TSHZ3: variants seen among roughly 807,000 people sequenced by gnomAD.
TSHZ3 encodes teashirt zinc finger homeobox 3.
A neutral mutation model predicts 64.5 loss-of-function variants in TSHZ3; 10 were observed. The ratio of observed to expected loss-of-function variants is 0.16; its 90% CI spans 0.10 to 0.26. The LOEUF (loss-of-function observed/expected upper bound fraction) is 0.26. TSHZ3 is among the 10% of genes least tolerant of loss of function. The pLI is 1.00. For missense variants in TSHZ3, 1,242 were observed against 1,421.7 expected (o/e 0.87, Z 2.03); for synonymous variants, 608 against 593.1 (o/e 1.03, Z -0.36).
At chr19:31,213,649 G>C (rs1008070966) in intron 4 of TSHZ3, among the ~76,000 whole-genome samples, 9 of 152,154 alleles carry the variant, frequency 5.9e-5, no homozygotes, top group Non-Finnish European at 4.4e-5. Context: ...CGGGGTGATT[G>C]CATGTATGTG....
At chr19:31,220,431 C>T (rs904830682) in intron 4 of TSHZ3, among the ~76,000 whole-genome samples, 15 of 152,164 alleles carry the variant, frequency 9.9e-5, no homozygotes, top group Admixed American at 9.2e-4. Flanking sequence ...ACTGAGGTCT[C>T]TCACTGCCCC....
At chr19:31,241,417 CTAATAA>C (rs1470240317) in intron 3 of TSHZ3, among the ~76,000 whole-genome samples, 1 of 152,156 alleles carries the variant, frequency 6.6e-6, no homozygotes, top group Non-Finnish European at 1.5e-5. Flanking sequence ...TCTCTTCACT[CTAATAA>C]GGTTGAGAAT....
At chr19:31,339,850 G>A (rs1055347448) in intron 1 of TSHZ3, among the ~76,000 whole-genome samples, 4 of 150,818 alleles carry the variant, frequency 2.7e-5, no homozygotes, top group Admixed American at 1.3e-4. Context: ...GGCCACGCAC[G>A]TGTCGAAGTC....
At chr19:31,312,006 G>T (rs1172368800) in intron 1 of TSHZ3, among the ~76,000 whole-genome samples, 1 of 152,188 alleles carries the variant, frequency 6.6e-6, no homozygotes, top group Non-Finnish European at 1.5e-5. Flanking sequence ...TTACAGGTGT[G>T]AGCCACTGCA....
rs758585467 is a variant in TSHZ3 at position 31,279,319 on chromosome 19, GCTGCTGCTGCTA to G, written c.462_473del (p.Ser156_Ser159del). 3 of 1,613,744 alleles carry G rather than the reference GCTGCTGCTGCTA, an allele frequency of 1.9e-6. No individual in the cohort carries two copies. The highest frequency in any genetic ancestry group is 2.5e-6 in the Non-Finnish European group (3 of 1,179,840). ...AGTCGAAGCTCCCGCTGCCACAGCT[GCTGCTGCTGCTA>G]CTGCTGCTGCTGCTGCTGCCGTTGT... On this transcript the variant is annotated inframe_deletion, in exon 2 of 2. Coordinates refer to ENST00000240587, the MANE Select transcript of TSHZ3 (RefSeq NM_020856.4). The surrounding 1 kb of genome is among the most constrained non-coding windows in gnomAD (Gnocchi z 6.4).
At position 31,312,917 on chromosome 19, in the gene TSHZ3, C is replaced by T. The variant is rs146319470; in HGVS notation, c.41-33165G>A. On this transcript the variant is annotated intron_variant, in intron 1 of 1. Transcript: ENST00000240587. ...GATTTAATGACATTGTTTGATTTCA[C>T]GGCGTTTATTTTTATGGTTATTTTC... Among the ~76,000 whole-genome samples the T allele has an allele frequency of 3.0e-3, 454 of 152,272 alleles. 3 individuals are homozygous for T. Among genetic ancestry groups the T allele is most frequent in the African/African-American group, 0.01 (428 of 41,548 alleles).
intron 5 of TSHZ3, among the ~76,000 whole-genome samples, chr19:31,193,215 G>A (rs368011362): frequency 1.3e-5 from 2 of 151,912 alleles, no homozygotes; most frequent in South Asian, 4.2e-4. Flanking sequence ...TACATATGAC[G>A]CGACATATCT....
At chr19:31,253,973 G>A (rs954905578) in intron 1 of TSHZ3, among the ~76,000 whole-genome samples, 1 of 152,202 alleles carries the variant, frequency 6.6e-6, no homozygotes, top group Non-Finnish European at 1.5e-5. Context: ...ACAGCTGGGT[G>A]TGACTAAGGC....
chr19:31,283,262 G>A (rs889220416), intron 1 of TSHZ3, among the ~76,000 whole-genome samples: 3 of 152,150 alleles, frequency 2.0e-5, no homozygotes, highest in Non-Finnish European at 2.9e-5. Flanking sequence ...TGAACCCGGA[G>A]GTGGAGGGTG....
At chr19:31,157,754 G>C (rs938883053) in intron 5 of TSHZ3, among the ~76,000 whole-genome samples, 1 of 152,180 alleles carries the variant, frequency 6.6e-6, no homozygotes, top group Non-Finnish European at 1.5e-5. Context: ...GAATGGACTG[G>C]GGCTGAAGGG....
At chr19:31,239,563 T>C (rs1413023888) in intron 3 of TSHZ3, among the ~76,000 whole-genome samples, 1 of 151,504 alleles carries the variant, frequency 6.6e-6, no homozygotes, top group Non-Finnish European at 1.5e-5. Flanking sequence ...ATTGACAGGA[T>C]TTTTTTTTCA....
intron 1 of TSHZ3, among the ~76,000 whole-genome samples, chr19:31,346,848 T>C (rs1414154729): frequency 6.6e-6 from 1 of 151,852 alleles, no homozygotes; most frequent in Non-Finnish European, 1.5e-5. Flanking sequence ...GTGGAGTTTT[T>C]TTTTTTTCTC....
chr19:31,204,308 C>T lies in TSHZ3; in HGVS notation n.809+648G>A, dbSNP rs187382585. Among the ~76,000 whole-genome samples, 105 of 150,324 alleles carry T rather than the reference C, an allele frequency of 7.0e-4. 1 individual carries two copies. The highest frequency in any genetic ancestry group is 2.4e-3 in the African/African-American group (96 of 40,802). Reference sequence around the variant, plus strand: ...CCTTCCTTTTTTCTTTCCTCCCTTCCTCCCTCTCTCCTTTTCTTTCTTTCC... The same window carrying T: ...CCTTCCTTTTTTCTTTCCTCCCTTCTTCCCTCTCTCCTTTTCTTTCTTTCC... On this transcript the variant is annotated intron_variant and non_coding_transcript_variant, in intron 5 of 6. Coordinates refer to the TSHZ3 transcript ENST00000651361.
chr19:31,278,036 G>T lies in TSHZ3; in HGVS notation c.1757C>A (p.Thr586Lys), dbSNP rs144055691. Residue 586 changes from threonine to lysine, a missense_variant, in exon 2 of 2, where the codon ACG becomes AAG. By Grantham distance (78) the Thr-to-Lys change is moderately conservative. Transcript: ENST00000240587. The surrounding 1 kb of genome is among the most constrained non-coding windows in gnomAD (Gnocchi z 4.7). The stretch of plus-strand genomic sequence containing the variant: ...TGGAGAGACCAGGGTCTGGTTTTTC[G>T]TCGGGGAGACAATCTCACTGTTGCC... ...MFGNSEIVSP[T>K]KNQTLVSPPS... 6.2e-6 allele frequency: 10 copies of T among 1,612,982 alleles called. No homozygotes were observed. The South Asian group carries it at 1.1e-4, about 18-fold the overall frequency.
chr19:31,233,519 G>C (rs1406603576), intron 3 of TSHZ3, among the ~76,000 whole-genome samples: 1 of 152,100 alleles, frequency 6.6e-6, no homozygotes, highest in African/African-American at 2.4e-5. Flanking sequence ...TGCAAATACT[G>C]TCTCCCAGTC....
intron 4 of TSHZ3, among the ~76,000 whole-genome samples, chr19:31,205,136 G>T (rs1242265793): frequency 6.6e-6 from 1 of 152,092 alleles, no homozygotes; most frequent in Non-Finnish European, 1.5e-5. Flanking sequence ...TTCCTTGTCG[G>T]CTGTTCATGA....
chr19:31,240,406 G>A (rs141110031), intron 3 of TSHZ3, among the ~76,000 whole-genome samples: 16 of 151,934 alleles, frequency 1.1e-4, no homozygotes, highest in Admixed American at 2.6e-4. Flanking sequence ...AAAATTCTTC[G>A]TGAGAAGAAT....
chr19:31,313,093 G>T (rs1916505054), intron 1 of TSHZ3, among the ~76,000 whole-genome samples: 1 of 152,126 alleles, frequency 6.6e-6, no homozygotes, highest in Admixed American at 6.5e-5. Flanking sequence ...ACAGGTTTGG[G>T]ACTCAGGATG....
intron 1 of TSHZ3, among the ~76,000 whole-genome samples, chr19:31,301,584 T>C (rs1282613585): frequency 2.0e-5 from 3 of 152,134 alleles, no homozygotes; most frequent in Non-Finnish European, 1.5e-5. Context: ...GGCCCTGTGC[T>C]GGGCATCGTC....
Sources: gnomAD v4.1 joint callset for allele counts (sites outside exome capture counted in the v4.1 genomes callset) on GRCh38, gnomAD v4.1.1 for gene constraint, Gnocchi (gnomAD v3.1) non-coding constraint, MANE v1.5 for transcripts, NCBI Gene and HGNC (gene_info 2026-07-23, HGNC 2026-07-21) for gene names.